Variants in TAFA4 observed in about 807,000 individuals in gnomAD.
TAFA4 encodes chemokine-like protein TAFA-4.
TAFA4 carries 20 observed loss-of-function variants against 21.1 expected under a neutral mutation model. The observed-to-expected ratio is 0.95, with a 90% CI of 0.67 to 1.38. TAFA4 has a LOEUF of 1.38. TAFA4 is among the 40% of genes most tolerant of loss of function. The probability of loss-of-function intolerance (pLI) is 0.00; values close to 1 mark genes in which losing one functional copy is unlikely to be tolerated. For synonymous variants in TAFA4, 71 were observed against 67.4 expected, an observed-to-expected ratio of 1.05 and a Z score of -0.26; for missense variants, 211 against 180.9, an observed-to-expected ratio of 1.17 and a Z score of -0.95.
chr3:68,863,633 T>C (rs936961679), intron 3 of TAFA4, among the ~76,000 whole-genome samples: 1 of 152,180 alleles, frequency 6.6e-6, no homozygotes, highest in African/African-American at 2.4e-5. Context: ...TACACAACTA[T>C]TGTGGAAGAA....
intron 3 of TAFA4, among the ~76,000 whole-genome samples, chr3:68,843,301 G>T (rs529617161): frequency 6.6e-6 from 1 of 152,146 alleles, no homozygotes; most frequent in Admixed American, 6.5e-5. Context: ...AATTGTGAAT[G>T]GGAGTTCACT....
At chr3:68,769,625 A>G (rs1390974698) in intron 3 of TAFA4, among the ~76,000 whole-genome samples, 1 of 152,226 alleles carries the variant, frequency 6.6e-6, no homozygotes, top group Non-Finnish European at 1.5e-5. Context: ...ACGCTACCAT[A>G]CCCAGATTTG....
At chr3:68,733,953 A>G (rs1702196322) in intron 5 of TAFA4, among the ~76,000 whole-genome samples, 1 of 151,880 alleles carries the variant, frequency 6.6e-6, no homozygotes, top group African/African-American at 2.4e-5. Flanking sequence ...CAAACTAAAC[A>G]AAAACCCTGC....
chr3:68,772,630 A>T (rs963774748), intron 3 of TAFA4, among the ~76,000 whole-genome samples: 12 of 152,176 alleles, frequency 7.9e-5, no homozygotes, highest in African/African-American at 2.9e-4. Context: ...TCCAAGGCAT[A>T]GCTTCACGTT....
chr3:68,823,083 A>T (rs1427211926), intron 3 of TAFA4, among the ~76,000 whole-genome samples: 1 of 152,174 alleles, frequency 6.6e-6, no homozygotes, highest in African/African-American at 2.4e-5. Context: ...AAGTATCAAG[A>T]TCTTCAGGTT....
chr3:68,739,496 G>T (rs1454930358), intron 4 of TAFA4, among the ~76,000 whole-genome samples: 1 of 152,078 alleles, frequency 6.6e-6, no homozygotes, highest in African/African-American at 2.4e-5. Context: ...ATTTCTCAAA[G>T]AACTAAAAAT....
At chr3:68,764,109 T>C (rs565386642) in intron 3 of TAFA4, among the ~76,000 whole-genome samples, 4 of 152,176 alleles carry the variant, frequency 2.6e-5, no homozygotes, top group South Asian at 2.1e-4. Context: ...CTCAGTAGGA[T>C]TGTATTTGGA....
At chr3:68,876,291 G>C (rs1338907397) in intron 3 of TAFA4, among the ~76,000 whole-genome samples, 1 of 152,164 alleles carries the variant, frequency 6.6e-6, no homozygotes, top group Non-Finnish European at 1.5e-5. Context: ...ATTTAGCTAT[G>C]ATAAGCCTTG....
At chr3:68,734,166 T>TC (rs1452274935) in intron 5 of TAFA4, among the ~76,000 whole-genome samples, 4 of 152,218 alleles carry the variant, frequency 2.6e-5, no homozygotes, top group Non-Finnish European at 5.9e-5. Flanking sequence ...GTATAGATGG[T>TC]AAAATCTGAA....
At chr3:68,865,886 C>T (rs2089409484) in intron 3 of TAFA4, among the ~76,000 whole-genome samples, 1 of 152,070 alleles carries the variant, frequency 6.6e-6, no homozygotes, top group South Asian at 2.1e-4. Flanking sequence ...GAGAAATGGA[C>T]TTTTCTATCT....
intron 3 of TAFA4, among the ~76,000 whole-genome samples, chr3:68,854,419 A>T (rs1022723980): frequency 6.6e-6 from 1 of 151,942 alleles, no homozygotes; most frequent in African/African-American, 2.4e-5. Flanking sequence ...CAAGCAGGGG[A>T]GGTGACATGA....
Position 68,884,160 on chromosome 3 carries a change from G to A in TAFA4, c.14+1015C>T, listed in dbSNP as rs564384320. ...ATATATGAATTATATGACAGCCTGG[G>A]CCTGTCTTGCCTTCAGATCCATTCC... On this transcript the variant is annotated intron_variant, in intron 2 of 5. Coordinates refer to ENST00000295569, the MANE Select transcript of TAFA4 (RefSeq NM_182522.5). 3.7e-4 allele frequency among the ~76,000 whole-genome samples: 56 copies of A among 152,242 alleles called. No homozygotes were observed. The South Asian group carries it at 0.011, about 30-fold the overall frequency.
At chr3:68,798,026 G>T in intron 3 of TAFA4, among the ~76,000 whole-genome samples, 1 of 152,128 alleles carries the variant, frequency 6.6e-6, no homozygotes, top group East Asian at 1.9e-4. Context: ...TTCTCAAAAA[G>T]AATATAATAT....
At chr3:68,804,258 A>AT (rs141920393) in intron 3 of TAFA4, among the ~76,000 whole-genome samples, 1 of 152,270 alleles carries the variant, frequency 6.6e-6, no homozygotes, top group East Asian at 1.9e-4. Context: ...GGTATCAGTT[A>AT]CACATAAAAC....
chr3:68,886,453 A>C (rs1186710300), intron 1 of TAFA4, among the ~76,000 whole-genome samples: 1 of 152,164 alleles, frequency 6.6e-6, no homozygotes, highest in Non-Finnish European at 1.5e-5. Context: ...GCATGATGTG[A>C]CCTTCTGCTA....
intron 3 of TAFA4, among the ~76,000 whole-genome samples, chr3:68,764,311 G>A (rs761576613): frequency 6.6e-6 from 1 of 152,106 alleles, no homozygotes; most frequent in Non-Finnish European, 1.5e-5. Context: ...GCCCCCACCA[G>A]AAACTGAATT....
chr3:68,823,331 A>T (rs1425835612), intron 3 of TAFA4, among the ~76,000 whole-genome samples: 1 of 152,238 alleles, frequency 6.6e-6, no homozygotes, highest in Non-Finnish European at 1.5e-5. Flanking sequence ...CATCAAAAGA[A>T]ATCGAATACA....
chr3:68,748,301 A>G (rs1022199847), intron 4 of TAFA4, among the ~76,000 whole-genome samples: 1 of 152,240 alleles, frequency 6.6e-6, no homozygotes, highest in Non-Finnish European at 1.5e-5. Flanking sequence ...CTGCACTGAG[A>G]AAAATACGTT....
intron 3 of TAFA4, among the ~76,000 whole-genome samples, chr3:68,835,699 G>A (rs879381453): frequency 2.0e-5 from 3 of 152,204 alleles, no homozygotes; most frequent in Admixed American, 6.5e-5. Flanking sequence ...GCAGCTTACA[G>A]GTGACATAAT....
Sources: gnomAD v4.1 joint callset for allele counts (sites outside exome capture counted in the v4.1 genomes callset) on GRCh38, gnomAD v4.1.1 for gene constraint, MANE v1.5 for transcripts, NCBI Gene and HGNC (gene_info 2026-07-23, HGNC 2026-07-21) for gene names.